The following DGKI variants were observed in gnomAD, a reference collection of about 807,000 sequenced individuals.
DGKI encodes the protein diacylglycerol kinase iota, also known as DAG kinase iota.
A neutral mutation model predicts 147.5 loss-of-function variants in DGKI; 55 were observed. The observed-to-expected ratio is 0.37, with a 90% CI of 0.30 to 0.47. The LOEUF (loss-of-function observed/expected upper bound fraction) is 0.47. Among genes scored for constraint, DGKI ranks in the 20% least tolerant of loss-of-function variants. DGKI has a pLI of 1.00. For missense variants in DGKI, 1,007 were observed against 1,323.8 expected, an observed-to-expected ratio of 0.76 and a Z score of 3.71; for synonymous variants, 469 against 477.1, an observed-to-expected ratio of 0.98 and a Z score of 0.22.
intron 14 of DGKI, among the ~76,000 whole-genome samples, chr7:137,583,237 C>G (rs1303765664): frequency 6.6e-6 from 1 of 152,162 alleles, no homozygotes; most frequent in Non-Finnish European, 1.5e-5. Context: ...GAAATGGTCT[C>G]CACTAAATGA....
chr7:137,460,153 T>A (rs1035675559), intron 27 of DGKI, among the ~76,000 whole-genome samples: 3 of 152,180 alleles, frequency 2.0e-5, no homozygotes, highest in Non-Finnish European at 4.4e-5. Flanking sequence ...AAGCAACAGA[T>A]GCTGATCATA....
At chr7:137,725,951 A>G (rs1794706225) in intron 1 of DGKI, among the ~76,000 whole-genome samples, 1 of 152,208 alleles carries the variant, frequency 6.6e-6, no homozygotes, top group Admixed American at 6.5e-5. Context: ...GTCATATAGT[A>G]CAGTATCTAA....
chr7:137,714,533 G>C (rs1453413428), intron 1 of DGKI, among the ~76,000 whole-genome samples: 1 of 152,152 alleles, frequency 6.6e-6, no homozygotes, highest in Non-Finnish European at 1.5e-5. Flanking sequence ...GTAGAGAGAG[G>C]GCAGGAAGCT....
chr7:137,822,227 C>T (rs1181243609), intron 1 of DGKI, among the ~76,000 whole-genome samples: 6 of 151,940 alleles, frequency 3.9e-5, no homozygotes, highest in African/African-American at 9.7e-5. Context: ...GCCAACATGG[C>T]GAAACCCTGT....
At chr7:137,720,320 C>A (rs749511956) in intron 1 of DGKI, among the ~76,000 whole-genome samples, 2 of 128,012 alleles carry the variant, frequency 1.6e-5, no homozygotes, top group East Asian at 2.3e-4. Flanking sequence ...TGCAGTGGTG[C>A]GATCTCGGCT....
chr7:137,631,909 G>A (rs778410237), intron 6 of DGKI, among the ~76,000 whole-genome samples: 7 of 152,194 alleles, frequency 4.6e-5, no homozygotes, highest in Admixed American at 2.0e-4. Context: ...ATTTACCAAA[G>A]CAATAAGAAA....
rs145697802 is a variant in DGKI at position 137,843,977 on chromosome 7, G to A, written c.401+2485C>T. Among the ~76,000 whole-genome samples the A allele has an allele frequency of 2.0e-5, 3 of 152,198 alleles. No individual in the cohort carries two copies. In the East Asian group the frequency reaches 5.8e-4, roughly 29 times the overall value. ...AGTCCTTTCACTCAGACTCCATTCT[G>A]TGAGGTCTTCCTGCCTCCTCTCCAT... On this transcript the variant is annotated intron_variant, in intron 1 of 32. Coordinates refer to ENST00000614521, the MANE Select transcript of DGKI (RefSeq NM_001321708.2).
intron 6 of DGKI, among the ~76,000 whole-genome samples, chr7:137,624,191 C>A (rs1820852282): frequency 6.6e-6 from 1 of 152,196 alleles, no homozygotes; most frequent in African/African-American, 2.4e-5. Flanking sequence ...AATTACTTTT[C>A]CATCCAGAAC....
chr7:137,662,665 C>G (rs1166664622), intron 3 of DGKI, among the ~76,000 whole-genome samples: 1 of 152,008 alleles, frequency 6.6e-6, no homozygotes, highest in Non-Finnish European at 1.5e-5. Flanking sequence ...CGAGTGGAAA[C>G]TCAGACCTCT....
At chr7:137,405,621 T>G (rs990228499) in intron 30 of DGKI, among the ~76,000 whole-genome samples, 5 of 152,142 alleles carry the variant, frequency 3.3e-5, no homozygotes, top group Non-Finnish European at 7.3e-5. Context: ...TTCCCAACCT[T>G]TTAAATCTGG....
intron 8 of DGKI, among the ~76,000 whole-genome samples, chr7:137,610,704 T>C (rs886741226): frequency 3.9e-5 from 6 of 152,236 alleles, no homozygotes; most frequent in African/African-American, 1.4e-4. Context: ...AATGCAAATG[T>C]CTATTCTACT....
At chr7:137,532,769 C>G (rs888667882) in intron 20 of DGKI, among the ~76,000 whole-genome samples, 1 of 152,136 alleles carries the variant, frequency 6.6e-6, no homozygotes, top group African/African-American at 2.4e-5. Flanking sequence ...CTTTCATTTC[C>G]CTTCTCTAAT....
chr7:137,645,178 C>T (rs889124736), intron 6 of DGKI, among the ~76,000 whole-genome samples: 1 of 152,220 alleles, frequency 6.6e-6, no homozygotes, highest in East Asian at 1.9e-4. Flanking sequence ...CAGTTGTCTT[C>T]ATGAAGGCAT....
chr7:137,829,375 G>A (rs1000871950), intron 1 of DGKI, among the ~76,000 whole-genome samples: 2 of 152,202 alleles, frequency 1.3e-5, no homozygotes, highest in South Asian at 2.1e-4. Flanking sequence ...ACTAGACTTC[G>A]TAATTCAAGA....
intron 28 of DGKI, among the ~76,000 whole-genome samples, chr7:137,431,218 A>G (rs1813057695): frequency 6.6e-6 from 1 of 151,828 alleles, no homozygotes; most frequent in Non-Finnish European, 1.5e-5. Flanking sequence ...GTCATGGTTT[A>G]AATCACTTTC....
intron 30 of DGKI, among the ~76,000 whole-genome samples, chr7:137,402,899 G>A (rs2128896492): frequency 6.6e-6 from 1 of 152,258 alleles, no homozygotes; most frequent in East Asian, 1.9e-4. Flanking sequence ...CAGAAAAAGA[G>A]GGAAGACAAA....
intron 28 of DGKI, among the ~76,000 whole-genome samples, chr7:137,433,149 T>C (rs1267885065): frequency 6.6e-6 from 1 of 152,214 alleles, no homozygotes; most frequent in Non-Finnish European, 1.5e-5. Context: ...CTGGTGAATA[T>C]TTTAACAGCT....
chr7:137,498,141 GA>G (rs1816038582), intron 21 of DGKI, among the ~76,000 whole-genome samples: 1 of 151,568 alleles, frequency 6.6e-6, no homozygotes, highest in Non-Finnish European at 1.5e-5. Flanking sequence ...GAGAATAAAA[GA>G]GTACAAAACC....
At chr7:137,763,874 A>G (rs1795930934) in intron 1 of DGKI, among the ~76,000 whole-genome samples, 1 of 152,256 alleles carries the variant, frequency 6.6e-6, no homozygotes, top group Non-Finnish European at 1.5e-5. Flanking sequence ...GTCTCTTGTA[A>G]TAATTAGCAA....
Sources: gnomAD v4.1 joint callset for allele counts (sites outside exome capture counted in the v4.1 genomes callset) on GRCh38, gnomAD v4.1.1 for gene constraint, MANE v1.5 for transcripts, NCBI Gene and HGNC (gene_info 2026-07-23, HGNC 2026-07-21) for gene names.